The following TRAPPC9 variants were observed in gnomAD, a reference collection of about 807,000 sequenced individuals.
The protein encoded by TRAPPC9 is trafficking protein particle complex subunit 9, also known as IKK2 binding protein.
TRAPPC9 carries 83 observed loss-of-function variants against 124.0 expected under a neutral mutation model. That is an observed-to-expected ratio of 0.67 (90% CI 0.56 to 0.80). The LOEUF (loss-of-function observed/expected upper bound fraction) is 0.80, where lower values mean the gene tolerates loss of function less well. Among genes scored for constraint, TRAPPC9 ranks in the 30% least tolerant of loss-of-function variants. TRAPPC9 has a pLI of 0.00. For missense variants in TRAPPC9, 1,302 were observed against 1,508.3 expected (o/e 0.86, Z 2.27); for synonymous variants, 638 against 617.5 (o/e 1.03, Z -0.49).
intron 10 of TRAPPC9, chr8:140,302,920 C>CT (rs1384873897): frequency 1.3e-5 from 2 of 152,172 alleles, no homozygotes; most frequent in Non-Finnish European, 2.9e-5. Context: ...CTTATCAGCT[C>CT]CAAACAGCTC....
chr8:140,065,053 TATC>T (rs1346887351), intron 17 of TRAPPC9, among the ~76,000 whole-genome samples: 1 of 152,204 alleles, frequency 6.6e-6, no homozygotes, highest in East Asian at 1.9e-4. Context: ...GGCAGTAAGA[TATC>T]ATCCCCTATA....
At chr8:140,321,687 T>C (rs1163619947) in intron 9 of TRAPPC9, among the ~76,000 whole-genome samples, 1 of 152,072 alleles carries the variant, frequency 6.6e-6, no homozygotes, top group Non-Finnish European at 1.5e-5. Context: ...CGCCTGCATG[T>C]AGGTGGGTGC....
intron 7 of TRAPPC9, among the ~76,000 whole-genome samples, chr8:140,395,819 G>A (rs1017529267): frequency 1.3e-5 from 2 of 151,662 alleles, no homozygotes; most frequent in Non-Finnish European, 2.9e-5. Flanking sequence ...CTCGTTATGT[G>A]AGAAGCTGAA....
chr8:140,171,075 G>A (rs1338577429), intron 17 of TRAPPC9, among the ~76,000 whole-genome samples: 3 of 152,202 alleles, frequency 2.0e-5, no homozygotes, highest in African/African-American at 7.2e-5. Flanking sequence ...AGAGTTGAGA[G>A]ATGATGTCTG....
intron 6 of TRAPPC9, chr8:140,405,373 C>A: frequency 1.9e-6 from 1 of 515,362 alleles, no homozygotes; most frequent in East Asian, 3.6e-5. Flanking sequence ...CTCTCTTTTC[C>A]AAATTTATTA....
rs1817699099 is a variant in TRAPPC9, at chr8:139,729,478, G to T, written c.*1583C>A. On this transcript the variant is annotated 3_prime_UTR_variant, in exon 23 of 23. Transcript: ENST00000438773. ...CCCCTACTGCAGCCAGACCTTCTGG[G>T]GCTGCCTTCCCTGGGGAGCCTCGAG... Among the ~76,000 whole-genome samples the T allele has an allele frequency of 6.6e-6, 1 of 152,208 alleles. No homozygotes were observed. Among genetic ancestry groups the T allele is most frequent in the Non-Finnish European group, 1.5e-5 (1 of 68,030 alleles).
At chr8:139,976,778 G>C (rs901670719) in intron 19 of TRAPPC9, among the ~76,000 whole-genome samples, 1 of 152,226 alleles carries the variant, frequency 6.6e-6, no homozygotes, top group Non-Finnish European at 1.5e-5. Context: ...GGTGCCCTTC[G>C]CCTTCTGCGG....
chr8:139,836,709 C>T (rs1826381156), intron 21 of TRAPPC9, among the ~76,000 whole-genome samples: 1 of 152,214 alleles, frequency 6.6e-6, no homozygotes, highest in Non-Finnish European at 1.5e-5. Flanking sequence ...CACCAAGGCT[C>T]CACAAAATCT....
intron 21 of TRAPPC9, among the ~76,000 whole-genome samples, chr8:139,846,147 G>A (rs2130909034): frequency 6.6e-6 from 1 of 152,378 alleles, no homozygotes; most frequent in Middle Eastern, 3.4e-3. Context: ...AGGGAGAGGA[G>A]GCATGGTCAG....
chr8:140,419,443 AAAAAAAAAAC>A (rs2070104253), intron 5 of TRAPPC9, among the ~76,000 whole-genome samples: 1 of 134,108 alleles, frequency 7.5e-6, no homozygotes, highest in Non-Finnish European at 1.6e-5. Context: ...AAAAAAAAAA[AAAAAAAAAAC>A]AAAACAAAAC....
intron 17 of TRAPPC9, among the ~76,000 whole-genome samples, chr8:140,078,619 A>G (rs1469365444): frequency 6.6e-6 from 1 of 152,186 alleles, no homozygotes; most frequent in Non-Finnish European, 1.5e-5. Flanking sequence ...ACAAGGACAA[A>G]GAGGGGTCTG....
chr8:139,985,049 C>A (rs1326850275), intron 19 of TRAPPC9, among the ~76,000 whole-genome samples: 1 of 152,088 alleles, frequency 6.6e-6, no homozygotes, highest in Non-Finnish European at 1.5e-5. Flanking sequence ...TACCACACAG[C>A]AAATTGCTGA....
chr8:140,204,271 C>T (rs1398495455), intron 17 of TRAPPC9, among the ~76,000 whole-genome samples: 1 of 152,040 alleles, frequency 6.6e-6, no homozygotes, highest in Non-Finnish European at 1.5e-5. Context: ...GGCACATATA[C>T]ACCATGGAAT....
Position 139,920,269 on chromosome 8 carries a change from T to C in TRAPPC9, c.2811-9969A>G, listed in dbSNP as rs529766023. Among the ~76,000 whole-genome samples, 76 of 152,270 alleles carry C rather than the reference T, an allele frequency of 5.0e-4. 1 individual carries two copies. The highest frequency in any genetic ancestry group is 1.7e-3 in the African/African-American group (69 of 41,572). On this transcript the variant is annotated intron_variant, in intron 19 of 22. Transcript: ENST00000438773. ...GCTGAGGCAGGAGAATAACCTGGAC[T>C]CAGGAGGTGGAGGTTGCAGTGAGCC...
intron 5 of TRAPPC9, among the ~76,000 whole-genome samples, chr8:140,407,448 G>A (rs2069534292): frequency 6.6e-6 from 1 of 151,570 alleles, no homozygotes; most frequent in African/African-American, 2.4e-5. Flanking sequence ...AGAATGAGGT[G>A]GGTTTTTCAT....
intron 19 of TRAPPC9, among the ~76,000 whole-genome samples, chr8:139,974,398 A>G (rs918208980): frequency 1.3e-5 from 2 of 152,160 alleles, no homozygotes; most frequent in African/African-American, 4.8e-5. Context: ...TCCCCGTTCC[A>G]GCAGCTGCAG....
chr8:140,438,685 T>A (rs887078494), intron 3 of TRAPPC9, among the ~76,000 whole-genome samples: 51 of 152,218 alleles, frequency 3.4e-4, no homozygotes, highest in African/African-American at 1.2e-3. Context: ...CTCTCATTTC[T>A]TTTTTTATTT....
intron 17 of TRAPPC9, among the ~76,000 whole-genome samples, chr8:140,165,562 G>A (rs1441293393): frequency 7.4e-6 from 1 of 134,332 alleles, no homozygotes; most frequent in African/African-American, 2.8e-5. Flanking sequence ...GAAAGAAAGG[G>A]AAGGGAAGAG....
At chr8:140,066,431 C>T (rs1360887919) in intron 17 of TRAPPC9, among the ~76,000 whole-genome samples, 4 of 152,126 alleles carry the variant, frequency 2.6e-5, no homozygotes, top group African/African-American at 7.2e-5. Flanking sequence ...TGTTTAATGT[C>T]GCTCCCCCAC....
Sources: allele counts gnomAD v4.1 joint callset (sites outside exome capture counted in the v4.1 genomes callset), GRCh38; gene constraint gnomAD v4.1.1; transcripts MANE v1.5; gene names NCBI Gene and HGNC (gene_info 2026-07-23, HGNC 2026-07-21).